The following CLYBL variants were observed in gnomAD, a reference collection of about 807,000 sequenced individuals.
CLYBL encodes citramalyl-CoA lyase.
Under a neutral mutation model 38.9 loss-of-function variants are expected in CLYBL, and 31 were observed. The observed-to-expected ratio is 0.80, with a 90% CI of 0.60 to 1.08. The LOEUF is 1.08. Among genes scored for constraint, CLYBL ranks in the 50% least tolerant of loss-of-function variants. The probability of loss-of-function intolerance (pLI) is 0.00; values close to 1 mark genes in which losing one functional copy is unlikely to be tolerated. For missense variants in CLYBL, 434 were observed against 411.6 expected, an observed-to-expected ratio of 1.05 and a Z score of -0.47; for synonymous variants, 171 against 158.6, an observed-to-expected ratio of 1.08 and a Z score of -0.59.
intron 2 of CLYBL, among the ~76,000 whole-genome samples, chr13:99,789,287 G>A (rs1162794619): frequency 6.6e-6 from 1 of 152,142 alleles, no homozygotes; most frequent in Non-Finnish European, 1.5e-5. Flanking sequence ...TAATTGTGAT[G>A]TTAGGGTGTC....
At chr13:99,824,257 G>GCACCCC (rs66867477) in intron 2 of CLYBL, among the ~76,000 whole-genome samples, 1 of 130,414 alleles carries the variant, frequency 7.7e-6, no homozygotes, top group Non-Finnish European at 1.6e-5. Flanking sequence ...CTGACTAATA[G>GCACCCC]CCCCCCCCAC....
At chr13:99,619,134 C>A (rs948051172) in intron 1 of CLYBL, among the ~76,000 whole-genome samples, 4 of 152,180 alleles carry the variant, frequency 2.6e-5, no homozygotes, top group African/African-American at 9.7e-5. Flanking sequence ...CTCCAAAATT[C>A]ATGTTGAAAC....
chr13:99,624,582 A>C (rs1349421496), intron 1 of CLYBL, among the ~76,000 whole-genome samples: 1 of 152,194 alleles, frequency 6.6e-6, no homozygotes, highest in Non-Finnish European at 1.5e-5. Context: ...TAAACGGCGC[A>C]TCTTCCGTAC....
intron 2 of CLYBL, among the ~76,000 whole-genome samples, chr13:99,835,067 C>G (rs1163496408): frequency 6.6e-6 from 1 of 152,132 alleles, no homozygotes; most frequent in Non-Finnish European, 1.5e-5. Flanking sequence ...CAAGTAGTGC[C>G]AAAGCCCAGA....
intron 1 of CLYBL, among the ~76,000 whole-genome samples, chr13:99,747,792 T>G (rs994991555): frequency 3.3e-5 from 5 of 152,182 alleles, no homozygotes; most frequent in Admixed American, 6.5e-5. Context: ...TAGGAGGCCT[T>G]CCTTAGCGAG....
intron 1 of CLYBL, among the ~76,000 whole-genome samples, chr13:99,765,790 C>T (rs1047520783): frequency 6.6e-6 from 1 of 152,016 alleles, no homozygotes; most frequent in Non-Finnish European, 1.5e-5. Flanking sequence ...AGCAATCCAC[C>T]CGCCTTGGCC....
At chr13:99,675,939 C>T (rs1183015779) in intron 1 of CLYBL, among the ~76,000 whole-genome samples, 1 of 152,208 alleles carries the variant, frequency 6.6e-6, no homozygotes, top group South Asian at 2.1e-4. Flanking sequence ...CTGCAACCTC[C>T]ACCTCCCGGG....
intron 1 of CLYBL, among the ~76,000 whole-genome samples, chr13:99,731,397 G>A (rs2048587872): frequency 6.6e-6 from 1 of 151,524 alleles, no homozygotes; most frequent in East Asian, 1.9e-4. Context: ...ACTTTGGGAG[G>A]CCATGGTGGG....
Position 99,801,884 on chromosome 13 carries a change from C to T in CLYBL, c.249+28874C>T, listed in dbSNP as rs534869871. Among the ~76,000 whole-genome samples the T allele has an allele frequency of 1.8e-4, 27 of 152,150 alleles. No homozygotes were observed. The East Asian group carries it at 2.5e-3, about 14-fold the overall frequency. On this transcript the variant is annotated intron_variant, in intron 2 of 8. Coordinates refer to ENST00000339105, the MANE Select transcript of CLYBL (RefSeq NM_206808.5). Reference sequence around the variant, plus strand: ...ATACAAAATTAGCCAGGCATGGTGGCGCATGCCTGTAATCCCAGCTACTCG... The same window carrying T: ...ATACAAAATTAGCCAGGCATGGTGGTGCATGCCTGTAATCCCAGCTACTCG...
intron 1 of CLYBL, among the ~76,000 whole-genome samples, chr13:99,678,064 CGT>C (rs1228260030): frequency 2.1e-4 from 32 of 152,302 alleles, no homozygotes; most frequent in African/African-American, 5.8e-4. Flanking sequence ...TACATTTGCG[CGT>C]GTTTTCCACT....
intron 1 of CLYBL, among the ~76,000 whole-genome samples, chr13:99,638,932 G>T (rs934004329): frequency 1.3e-5 from 2 of 152,104 alleles, no homozygotes; most frequent in Non-Finnish European, 2.9e-5. Context: ...CAAACTAAGG[G>T]GCTGAGCTGG....
intron 1 of CLYBL, chr13:99,727,280 A>T (rs541658246): frequency 6.6e-6 from 1 of 152,276 alleles, no homozygotes; most frequent in Admixed American, 6.5e-5. Flanking sequence ...TACTTCCTAC[A>T]GTGGATTTCT....
intron 1 of CLYBL, among the ~76,000 whole-genome samples, chr13:99,612,333 A>G (rs909145290): frequency 7.1e-6 from 1 of 140,542 alleles, no homozygotes; most frequent in Non-Finnish European, 1.6e-5. Flanking sequence ...GGTTTAATTT[A>G]CCCTTTACCT....
At chr13:99,854,017 G>A (rs946716379) in intron 2 of CLYBL, among the ~76,000 whole-genome samples, 4 of 152,188 alleles carry the variant, frequency 2.6e-5, no homozygotes, top group Non-Finnish European at 5.9e-5. Context: ...AGAATTTACT[G>A]TCGTTTTTGA....
At chr13:99,885,340 G>A (rs893516542) in intron 7 of CLYBL, among the ~76,000 whole-genome samples, 13 of 152,196 alleles carry the variant, frequency 8.5e-5, no homozygotes, top group Non-Finnish European at 1.8e-4. Context: ...TTCAGAGAGA[G>A]AACAGGGCAT....
At chr13:99,736,000 G>A (rs949599732) in intron 1 of CLYBL, among the ~76,000 whole-genome samples, 2 of 118,242 alleles carry the variant, frequency 1.7e-5, no homozygotes, top group Non-Finnish European at 3.7e-5. Flanking sequence ...ACCATTGTTT[G>A]TTTGAAACAG....
intron 1 of CLYBL, among the ~76,000 whole-genome samples, chr13:99,686,749 G>T (rs939979996): frequency 6.6e-6 from 1 of 152,240 alleles, no homozygotes; most frequent in East Asian, 1.9e-4. Context: ...AAAACTTGAC[G>T]CAGATTCAAA....
At chr13:99,758,791 G>T (rs2138725696) in intron 1 of CLYBL, among the ~76,000 whole-genome samples, 1 of 152,334 alleles carries the variant, frequency 6.6e-6, no homozygotes, top group South Asian at 2.1e-4. Context: ...TGTTGCCTTT[G>T]ATCTTTTCCC....
chr13:99,682,997 C>G (rs539609582), intron 1 of CLYBL, among the ~76,000 whole-genome samples: 1 of 151,978 alleles, frequency 6.6e-6, no homozygotes, highest in East Asian at 1.9e-4. Context: ...CTCGCCCTCC[C>G]AAAGTGCTGG....
Sources: allele counts gnomAD v4.1 joint callset (sites outside exome capture counted in the v4.1 genomes callset), GRCh38; gene constraint gnomAD v4.1.1; transcripts MANE v1.5; gene names NCBI Gene and HGNC (gene_info 2026-07-23, HGNC 2026-07-21).